CNTNAP2: variants seen among roughly 807,000 people sequenced by gnomAD.
CNTNAP2 encodes contactin-associated protein-like 2.
In CNTNAP2, 98 loss-of-function variants were observed where a neutral mutation model predicts 155.2. The ratio of observed to expected loss-of-function variants is 0.63; its 90% confidence interval spans 0.54 to 0.75. The LOEUF is 0.75. Among genes scored for constraint, CNTNAP2 ranks in the 30% least tolerant of loss-of-function variants. The pLI, the probability that CNTNAP2 is intolerant of heterozygous loss-of-function variation, is 0.00. For synonymous variants in CNTNAP2, 651 were observed against 631.2 expected (o/e 1.03, Z -0.47); for missense variants, 1,727 against 1,688.1 (o/e 1.02, Z -0.40).
chr7:146,370,542 CT>C (rs1217540874), intron 1 of CNTNAP2, among the ~76,000 whole-genome samples: 2 of 151,996 alleles, frequency 1.3e-5, no homozygotes, highest in Non-Finnish European at 1.5e-5. Context: ...GATGTCGAGA[CT>C]TTGTATCATT....
chr7:147,337,220 G>A (rs537801898), intron 9 of CNTNAP2, among the ~76,000 whole-genome samples: 8 of 152,082 alleles, frequency 5.3e-5, no homozygotes, highest in African/African-American at 1.9e-4. Flanking sequence ...TGTATGGTGA[G>A]CCAGCCCCCA....
At position 147,821,496 on chromosome 7, in the gene CNTNAP2, G is replaced by C. The variant is rs571592624; in HGVS notation, c.2099-82069G>C. ...CAATAAATCATAAACAAATAAAAAAGATATTTTCAGAATGTGATAAGTGCT... is the reference window on the plus strand; with the variant it reads ...CAATAAATCATAAACAAATAAAAAACATATTTTCAGAATGTGATAAGTGCT... On this transcript the variant is annotated intron_variant, in intron 13 of 23. Transcript: ENST00000361727. 2.6e-5 allele frequency among the ~76,000 whole-genome samples: 4 copies of C among 152,208 alleles called. No individual in the cohort carries two copies. In the South Asian group the frequency reaches 8.3e-4, roughly 32 times the overall value.
intron 13 of CNTNAP2, among the ~76,000 whole-genome samples, chr7:147,877,552 C>A (rs1327245733): frequency 6.6e-6 from 1 of 151,888 alleles, no homozygotes; most frequent in Non-Finnish European, 1.5e-5. Context: ...TTGGTAAAAC[C>A]CTTCATTTAT....
intron 1 of CNTNAP2, among the ~76,000 whole-genome samples, chr7:146,733,482 A>G (rs1017265259): frequency 1.8e-4 from 27 of 152,144 alleles, no homozygotes; most frequent in African/African-American, 6.3e-4. Context: ...ATTTTAAACC[A>G]TGTTTTAAAA....
intron 1 of CNTNAP2, among the ~76,000 whole-genome samples, chr7:146,487,944 CG>C (rs2129130458): frequency 6.6e-6 from 1 of 152,040 alleles, no homozygotes; most frequent in Non-Finnish European, 1.5e-5. Flanking sequence ...AATAGAACTG[CG>C]GGTCAATGTT....
At chr7:146,616,019 G>A (rs1799217940) in intron 1 of CNTNAP2, among the ~76,000 whole-genome samples, 1 of 152,282 alleles carries the variant, frequency 6.6e-6, no homozygotes, top group African/African-American at 2.4e-5. Context: ...TAGAATTTTA[G>A]TATGACAATG....
At chr7:146,380,439 T>C (rs1368292858) in intron 1 of CNTNAP2, among the ~76,000 whole-genome samples, 3 of 152,188 alleles carry the variant, frequency 2.0e-5, no homozygotes, top group Non-Finnish European at 4.4e-5. Context: ...GTCGTCTTTT[T>C]AGAAAAGAGA....
At chr7:147,418,241 G>T (rs554022908) in intron 10 of CNTNAP2, among the ~76,000 whole-genome samples, 1 of 152,254 alleles carries the variant, frequency 6.6e-6, no homozygotes, top group African/African-American at 2.4e-5. Flanking sequence ...GGTGGTTTTT[G>T]TTGTTCATAA....
intron 1 of CNTNAP2, among the ~76,000 whole-genome samples, chr7:146,140,713 A>G (rs1025970830): frequency 3.9e-5 from 6 of 152,046 alleles, no homozygotes; most frequent in African/African-American, 1.4e-4. Flanking sequence ...CCATCATGCA[A>G]TTTACTCTCT....
At chr7:146,224,807 T>G (rs1254166274) in intron 1 of CNTNAP2, among the ~76,000 whole-genome samples, 3 of 152,066 alleles carry the variant, frequency 2.0e-5, no homozygotes, top group Non-Finnish European at 4.4e-5. Flanking sequence ...AAAACGAAGA[T>G]TTGGATAATT....
chr7:147,894,555 A>G (rs894252019), intron 13 of CNTNAP2, among the ~76,000 whole-genome samples: 7 of 152,190 alleles, frequency 4.6e-5, no homozygotes, highest in Non-Finnish European at 2.9e-5. Context: ...GGACTCTTTA[A>G]CAGAATTTGT....
intron 15 of CNTNAP2, among the ~76,000 whole-genome samples, chr7:147,979,502 C>T (rs772037110): frequency 6.6e-6 from 1 of 152,056 alleles, no homozygotes; most frequent in Non-Finnish European, 1.5e-5. Context: ...TCTGGCTTAC[C>T]GATTCTAATT....
intron 4 of CNTNAP2, among the ~76,000 whole-genome samples, chr7:147,053,848 T>C (rs1171729801): frequency 6.6e-6 from 1 of 152,146 alleles, no homozygotes; most frequent in Non-Finnish European, 1.5e-5. Context: ...TGTTTCACTG[T>C]GGTTTATAAA....
intron 14 of CNTNAP2, among the ~76,000 whole-genome samples, chr7:147,915,172 A>G (rs1469676722): frequency 6.6e-6 from 1 of 152,214 alleles, no homozygotes; most frequent in Non-Finnish European, 1.5e-5. Flanking sequence ...TTTTCACATC[A>G]TCAACAACAA....
At chr7:146,639,088 T>C (rs1744544091) in intron 1 of CNTNAP2, among the ~76,000 whole-genome samples, 1 of 152,218 alleles carries the variant, frequency 6.6e-6, no homozygotes, top group African/African-American at 2.4e-5. Flanking sequence ...ATGTGAAGCA[T>C]AGTTGACTGA....
intron 21 of CNTNAP2, among the ~76,000 whole-genome samples, chr7:148,338,590 A>T: frequency 6.6e-6 from 1 of 152,246 alleles, no homozygotes; most frequent in African/African-American, 2.4e-5. Flanking sequence ...CTGATGAACC[A>T]GGAGGCAGAG....
intron 1 of CNTNAP2, among the ~76,000 whole-genome samples, chr7:146,755,915 T>C (rs1801987650): frequency 6.6e-6 from 1 of 151,948 alleles, no homozygotes; most frequent in African/African-American, 2.4e-5. Context: ...TCGTTGTCCA[T>C]TTTCTAAAAT....
intron 13 of CNTNAP2, among the ~76,000 whole-genome samples, chr7:147,742,447 T>G (rs1796970910): frequency 1.3e-5 from 2 of 152,246 alleles, no homozygotes; most frequent in Non-Finnish European, 2.9e-5. Flanking sequence ...TCTCCCTTGT[T>G]CCTTTGGAAT....
At chr7:147,920,122 G>A (rs958731424) in intron 14 of CNTNAP2, among the ~76,000 whole-genome samples, 1 of 151,526 alleles carries the variant, frequency 6.6e-6, no homozygotes, top group East Asian at 2.0e-4. Context: ...ACTTTGGGAG[G>A]CCGAGGCGGG....
Sources: gnomAD v4.1 joint callset for allele counts (sites outside exome capture counted in the v4.1 genomes callset) on GRCh38, gnomAD v4.1.1 for gene constraint, MANE v1.5 for transcripts, NCBI Gene and HGNC (gene_info 2026-07-23, HGNC 2026-07-21) for gene names.